TRIM4: variants seen among roughly 807,000 people sequenced by gnomAD.
TRIM4 encodes tripartite motif containing 4, also known as E3 ubiquitin-protein ligase TRIM4.
In TRIM4, 29 loss-of-function variants were observed where a neutral mutation model predicts 33.7. The ratio of observed to expected loss-of-function variants is 0.86; its 90% CI spans 0.64 to 1.17. The LOEUF (loss-of-function observed/expected upper bound fraction) is 1.17, where lower values mean the gene tolerates loss of function less well. Among genes scored for constraint, TRIM4 ranks in the 50% most tolerant of loss-of-function variants. TRIM4 has a pLI of 0.00. For missense variants in TRIM4, 554 were observed against 593.7 expected, an observed-to-expected ratio of 0.93 and a Z score of 0.69; for synonymous variants, 224 against 233.0, an observed-to-expected ratio of 0.96 and a Z score of 0.35.
chr7:99,909,417 CAT>C, intron 2 of TRIM4, 146 bp downstream of exon 2: 1 of 606,352 alleles, frequency 1.6e-6, no homozygotes, highest in Non-Finnish European at 2.9e-6. Context: ...CTTTCAGTCA[CAT>C]GATATGGAGG....
At chr7:99,918,955 C>T (rs2151655756) in intron 1 of TRIM4, 54 bp downstream of exon 1, 3 of 1,530,930 alleles carry the variant, frequency 2.0e-6, no homozygotes, top group Non-Finnish European at 2.6e-6. Flanking sequence ...ATTAAGTAAA[C>T]TTTATCGGGC....
Position 99,908,527 on chromosome 7 carries a change from CAAGA to C in TRIM4, c.720+51_720+54del. On this transcript the variant is annotated intron_variant, in intron 3 of 5. Transcript: ENST00000349062. The stretch of plus-strand genomic sequence containing the variant: ...CAGGAAGGACATTCAGCTCTAAAGA[CAAGA>C]GAGAGTTCAGTTAGTGAAGATGAGA... The C allele has an allele frequency of 1.1e-5, 15 of 1,398,432 alleles. No homozygotes were observed. In the South Asian group the frequency reaches 1.9e-4, roughly 18 times the overall value. The allele number at this position is 1,398,432 out of a possible 1,614,324, so 86.6% of individuals were successfully genotyped here. A position where few individuals can be genotyped will look rare whatever the true frequency, so the allele number is the denominator to read the frequency against.
In TRIM4 at chr7:99,908,590, G is replaced by A. The variant is rs1819361663; in HGVS notation, c.712C>T (p.Leu238=). The change falls in exon 3 of 6, where the codon CTG becomes TTG. Residue 238 remains leucine, a synonymous_variant. Transcript: ENST00000349062. The part of the protein sequence containing the change: ...GEKSQAPTLE[L]LQNPKEVLTR... ...ACTCGTAACTGTCTCACCTGAAGCAGCTCCAGGGTGGGAGCCTGGCTCTTC... is the reference window on the plus strand; with the variant it reads ...ACTCGTAACTGTCTCACCTGAAGCAACTCCAGGGTGGGAGCCTGGCTCTTC... 2 of 1,611,288 alleles carry A rather than the reference G, an allele frequency of 1.2e-6. No individual in the cohort carries two copies. Among genetic ancestry groups the A allele is most frequent in the South Asian group, 1.1e-5 (1 of 90,938 alleles).
chr7:99,896,967 T>C (rs1819029423), intron 5 of TRIM4, among the ~76,000 whole-genome samples: 1 of 152,224 alleles, frequency 6.6e-6, no homozygotes, highest in African/African-American at 2.4e-5. Flanking sequence ...ACTTACAAGA[T>C]GAGCTGCAAC....
rs1195064755 is a variant in TRIM4, at chr7:99,890,535, A to G, written c.*1628T>C. ...ACATATACACCATGGAATACTATGC[A>G]GCCATAAAAAAAGAATGAGATCATG... On this transcript the variant is annotated 3_prime_UTR_variant, in exon 6 of 6. Coordinates refer to ENST00000349062, the MANE Select transcript of TRIM4 (RefSeq NM_033091.3). 1 of 152,262 alleles carries G rather than the reference A, an allele frequency of 6.6e-6. No homozygotes were observed. Among genetic ancestry groups the G allele is most frequent in the Non-Finnish European group, 1.5e-5 (1 of 68,046 alleles). The allele number at this position is 152,262 out of a possible 1,614,324, so 9.4% of individuals were successfully genotyped here.
chr7:99,909,470 C>A (rs1329373901), intron 2 of TRIM4, 95 bp downstream of exon 2: 1 of 1,046,678 alleles, frequency 9.6e-7, no homozygotes, highest in East Asian at 2.5e-5. Context: ...ACGTGAACTG[C>A]AAAACCCCAT....
chr7:99,915,724 G>A (rs568215134), intron 1 of TRIM4, among the ~76,000 whole-genome samples: 7 of 152,158 alleles, frequency 4.6e-5, no homozygotes, highest in Non-Finnish European at 5.9e-5. Context: ...AGGGAATTCC[G>A]CCCAGTGACC....
At chr7:99,914,330 G>C (rs939403127) in intron 1 of TRIM4, among the ~76,000 whole-genome samples, 1 of 152,118 alleles carries the variant, frequency 6.6e-6, no homozygotes, top group Non-Finnish European at 1.5e-5. Context: ...GCTAATTTTT[G>C]TATTTTTTGT....
chr7:99,892,782 T>C (rs752184466), intron 5 of TRIM4, 36 bp from the exon 6 acceptor site: 11 of 1,539,048 alleles, frequency 7.1e-6, no homozygotes, highest in Non-Finnish European at 9.7e-6. Context: ...GTGCAGCAGC[T>C]TATCATCAAC....
intron 1 of TRIM4, 128 bp downstream of exon 1, chr7:99,918,881 G>T: frequency 1.6e-6 from 2 of 1,226,336 alleles, no homozygotes; most frequent in South Asian, 1.6e-5. Flanking sequence ...TAACTTCTTT[G>T]AGTTTCAGGG....
chr7:99,911,706 G>C (rs1819446175), intron 1 of TRIM4, among the ~76,000 whole-genome samples: 1 of 152,182 alleles, frequency 6.6e-6, no homozygotes, highest in Non-Finnish European at 1.5e-5. Flanking sequence ...GCAGGCGAAT[G>C]AAATGCTACC....
At chr7:99,906,058 T>C (rs1819295980) in intron 3 of TRIM4, among the ~76,000 whole-genome samples, 1 of 151,850 alleles carries the variant, frequency 6.6e-6, no homozygotes, top group Non-Finnish European at 1.5e-5. Flanking sequence ...GCCCAGAGAA[T>C]AGCTTGTACC....
In TRIM4 at chr7:99,892,046, G is replaced by A. The variant is rs1818902339; in HGVS notation, c.*117C>T. 1.1e-6 allele frequency: 1 copy of A among 926,986 alleles called. No individual in the cohort carries two copies. The allele number at this position is 926,986 out of a possible 1,614,324, so 57.4% of individuals were successfully genotyped here. A position where few individuals can be genotyped will look rare whatever the true frequency, so the allele number is the denominator to read the frequency against. On this transcript the variant is annotated 3_prime_UTR_variant, in exon 6 of 6. Transcript: ENST00000349062. ...GGCAGATACCAAACGGTACCGTTAG[G>A]GAGACCCAGAAGATGGACCATCCAG... is the stretch of plus-strand genomic sequence containing the variant.
rs1818881737 is a variant in TRIM4 at position 99,891,004 on chromosome 7, C to T, written c.*1159G>A. On this transcript the variant is annotated 3_prime_UTR_variant, in exon 6 of 6. Transcript: ENST00000349062. The stretch of plus-strand genomic sequence containing the variant: ...CTTTTTGCATCTTACAAACTTTCTA[C>T]AATAAGTACACATGACTTATATAAA... 1 of 152,154 alleles carries T rather than the reference C, an allele frequency of 6.6e-6. No homozygotes were observed. The highest frequency in any genetic ancestry group is 6.5e-5 in the Admixed American group (1 of 15,288). 9.4% of individuals were successfully genotyped at this position (152,154 alleles called of 1,614,324 possible).
At position 99,908,624 on chromosome 7, in the gene TRIM4, C is replaced by G; in HGVS notation, c.678G>C (p.Glu226Asp). The G allele has an allele frequency of 6.2e-7, 1 of 1,614,064 alleles. No homozygotes were observed. The highest frequency in any genetic ancestry group is 8.5e-7 in the Non-Finnish European group (1 of 1,179,974). ...TIASLKKLIL[E>D]VGEKSQAPTL... ...TGGGAGCCTGGCTCTTCTCCCCCAC[C>G]TCTAAGATGAGCTTCTTCAATGAAG... Residue 226 changes from glutamate to aspartate, a missense_variant, in exon 3 of 6, where the codon GAG becomes GAC. Glu to Asp is a conservative substitution (Grantham distance 45). This residue lies in a region of TRIM4 where 290 missense variants were observed against 335.8 expected (regional missense o/e 0.86). Transcript: ENST00000349062.
chr7:99,898,195 C>G (rs1389573821), intron 5 of TRIM4, among the ~76,000 whole-genome samples: 1 of 152,192 alleles, frequency 6.6e-6, no homozygotes, highest in Non-Finnish European at 1.5e-5. Flanking sequence ...ACATATTTTC[C>G]ACCTAGTATG....
chr7:99,910,028 G>A (rs931227484), intron 1 of TRIM4, among the ~76,000 whole-genome samples: 1 of 151,102 alleles, frequency 6.6e-6, no homozygotes, highest in Non-Finnish European at 1.5e-5. Context: ...CACCACGCCT[G>A]GCAACTTCAT....
At chr7:99,900,491 A>T (rs1819136152) in intron 5 of TRIM4, among the ~76,000 whole-genome samples, 1 of 152,224 alleles carries the variant, frequency 6.6e-6, no homozygotes, top group African/African-American at 2.4e-5. Flanking sequence ...TTTTTAAAGG[A>T]ATAAATAATG....
chr7:99,904,362 C>G (rs1326654014), intron 3 of TRIM4, among the ~76,000 whole-genome samples: 1 of 152,164 alleles, frequency 6.6e-6, no homozygotes, highest in African/African-American at 2.4e-5. Flanking sequence ...CTCCTCAAAA[C>G]TTTCAAGATC....
Sources: gnomAD v4.1 joint callset for allele counts (sites outside exome capture counted in the v4.1 genomes callset) on GRCh38, gnomAD v4.1.1 for gene constraint, gnomAD v4.1.1 regional missense constraint, MANE v1.5 for transcripts, NCBI Gene and HGNC (gene_info 2026-07-23, HGNC 2026-07-21) for gene names.